Variants in ABI3BP observed in about 807,000 individuals in gnomAD.
The protein encoded by ABI3BP is ABI family member 3 binding protein, also known as target of Nesh-SH3.
In ABI3BP, 216 loss-of-function variants were observed where a neutral mutation model predicts 268.6. That is an observed-to-expected ratio of 0.80 (90% CI 0.72 to 0.90). ABI3BP has a LOEUF of 0.90. Ranked by LOEUF, ABI3BP falls within the 40% of genes least tolerant of loss-of-function variation. The pLI, the probability that ABI3BP is intolerant of heterozygous loss-of-function variation, is 0.00. For missense variants in ABI3BP, 2,090 were observed against 2,182.4 expected (o/e 0.96, Z 0.84); for synonymous variants, 730 against 730.0 (o/e 1.00, Z 0.00).
intron 4 of ABI3BP, among the ~76,000 whole-genome samples, chr3:100,890,499 C>T (rs1325730311): frequency 6.6e-6 from 1 of 152,126 alleles, no homozygotes; most frequent in East Asian, 1.9e-4. Context: ...CCAACCTTTC[C>T]CTTGATTCCT....
intron 14 of ABI3BP, among the ~76,000 whole-genome samples, chr3:100,855,505 A>G (rs1560873969): frequency 6.6e-6 from 1 of 152,240 alleles, no homozygotes; most frequent in Non-Finnish European, 1.5e-5. Context: ...TACTTAATCC[A>G]GAAACTGGTA....
Position 100,864,027 on chromosome 3 carries a change from CTG to C in ABI3BP, c.1111_1112del (p.Gln371ValfsTer2), listed in dbSNP as rs1165332127. The C allele has an allele frequency of 1.3e-6, 2 of 1,535,738 alleles. No homozygotes were observed. The highest frequency in any genetic ancestry group is 1.7e-6 in the Non-Finnish European group (2 of 1,146,548). On this transcript the variant is annotated frameshift_variant, in exon 12 of 68. Coordinates refer to ENST00000471714, the MANE Select transcript of ABI3BP (RefSeq NM_001375547.2). LOFTEE classifies it high-confidence loss of function. ...PETLQTILIP[Q>X]FELPLSTLAP... ...CTAGAGTGCTCAGTGGCAATTCAAA[CTG>C]AGGTATTAGAATAGTTTGCAATGTT...
chr3:100,796,324 C>T (rs2097345174), intron 52 of ABI3BP, 85 bp downstream of exon 52: 1 of 1,108,356 alleles, frequency 9.0e-7, no homozygotes, highest in South Asian at 1.9e-5. Flanking sequence ...TTCCATATCA[C>T]AACCATTAAA....
intron 2 of ABI3BP, among the ~76,000 whole-genome samples, chr3:100,917,753 T>A (rs544847911): frequency 6.6e-6 from 1 of 152,318 alleles, no homozygotes; most frequent in African/African-American, 2.4e-5. Context: ...TGTATTGTAC[T>A]TCCAAGAAAA....
At chr3:100,793,239 T>C (rs1275078373) in intron 54 of ABI3BP, among the ~76,000 whole-genome samples, 1 of 151,960 alleles carries the variant, frequency 6.6e-6, no homozygotes, top group Admixed American at 6.6e-5. Context: ...AGAGCGTATG[T>C]TTGACATACA....
In ABI3BP at chr3:100,829,354, C is replaced by T. The variant is rs564074745; in HGVS notation, c.2542+227G>A. Among the ~76,000 whole-genome samples, 8 of 152,218 alleles carry T rather than the reference C, an allele frequency of 5.3e-5. No individual in the cohort carries two copies. The South Asian group carries it at 1.5e-3, about 28-fold the overall frequency. ...TCCTTCTCTGGCTGTTTCACTTTAT[C>T]ATATATTCAACATTGAAAGGATGAA... is the stretch of plus-strand genomic sequence containing the variant. On this transcript the variant is annotated intron_variant, in intron 33 of 67. Transcript: ENST00000471714.
rs1304423633 is a variant in ABI3BP, at chr3:100,830,106, CATACATATATATATATATATATAT to C, written c.2458+448_2459-443del. 2.8e-3 allele frequency among the ~76,000 whole-genome samples: 217 copies of C among 77,040 alleles called. 9 individuals carry two copies. Among genetic ancestry groups the C allele is most frequent in the African/African-American group, 0.013 (186 of 14,494 alleles). The allele number at this position is 77,040 out of a possible 152,430, so 50.5% of individuals were successfully genotyped here. A position where few individuals can be genotyped will look rare whatever the true frequency, so the allele number is the denominator to read the frequency against. ...CTATATACATATACATACATACATA[CATACATATATATATATATATATAT>C]ATATATATATATATATATATATATA... On this transcript the variant is annotated intron_variant, in intron 32 of 67. Coordinates refer to ENST00000471714, the MANE Select transcript of ABI3BP (RefSeq NM_001375547.2).
Position 100,795,819 on chromosome 3 carries a change from G to A in ABI3BP, c.3850C>T (p.Pro1284Ser). The part of the protein sequence containing the change: ...LQPVTFRFEP[P>S]KTTIAPLETR... ...AAACCATTACCTATTGTTGTCTTTG[G>A]TGGCTCAAATCTAAAGGTAACAGGC... is the stretch of plus-strand genomic sequence containing the variant. Residue 1284 changes from proline to serine, a missense_variant, in exon 53 of 68, where the codon CCA becomes TCA. Pro to Ser is a moderately conservative substitution (Grantham distance 74). Transcript: ENST00000471714. 2.3e-6 allele frequency: 3 copies of A among 1,287,822 alleles called. No homozygotes were observed. Among genetic ancestry groups the A allele is most frequent in the Non-Finnish European group, 3.0e-6 (3 of 988,238 alleles). The allele number at this position is 1,287,822 out of a possible 1,614,324, so 79.8% of individuals were successfully genotyped here. A position where few individuals can be genotyped will look rare whatever the true frequency, so the allele number is the denominator to read the frequency against.
intron 1 of ABI3BP, among the ~76,000 whole-genome samples, chr3:100,969,583 G>T (rs2082680065): frequency 6.6e-6 from 1 of 152,090 alleles, no homozygotes; most frequent in Non-Finnish European, 1.5e-5. Flanking sequence ...TTCCAAAAGT[G>T]TGCATTTGAA....
At position 100,816,375 on chromosome 3, in the gene ABI3BP, CAT is replaced by C. The variant is rs1012786179; in HGVS notation, c.3229+311_3229+312del. 2.2e-4 allele frequency: 107 copies of C among 494,492 alleles called. No homozygotes were observed. The East Asian group carries it at 2.9e-3, about 14-fold the overall frequency. The allele number at this position is 494,492 out of a possible 1,614,324, so 30.6% of individuals were successfully genotyped here. On this transcript the variant is annotated intron_variant, in intron 43 of 67. Transcript: ENST00000471714. ...TTATGTAATCATAACAAATGGATCA[CAT>C]GTTTCAATGCAGATATAGCAATAAA...
intron 36 of ABI3BP, 91 bp from the exon 37 acceptor site, chr3:100,823,605 T>C: frequency 1.1e-5 from 11 of 957,386 alleles, no homozygotes; most frequent in Non-Finnish European, 1.7e-5. Flanking sequence ...GGTATGTCAA[T>C]TCTTCCAGAG....
At chr3:100,837,301 G>C (rs1035976581) in intron 26 of ABI3BP, 130 bp from the exon 27 acceptor site, 9 of 602,012 alleles carry the variant, frequency 1.5e-5, no homozygotes, top group Non-Finnish European at 2.4e-5. Context: ...TTGCCTTCTT[G>C]ATAGGCTTAT....
intron 1 of ABI3BP, among the ~76,000 whole-genome samples, chr3:100,977,327 C>A (rs879796066): frequency 3.3e-5 from 5 of 152,196 alleles, no homozygotes; most frequent in Non-Finnish European, 7.3e-5. Context: ...AATAAGCATT[C>A]ATCATCCATA....
intron 53 of ABI3BP, 119 bp from the exon 54 acceptor site, chr3:100,795,122 T>C: frequency 3.2e-6 from 2 of 625,078 alleles, no homozygotes; most frequent in Non-Finnish European, 2.6e-6. Flanking sequence ...GAAAGTTAAG[T>C]GTGCACACGA....
chr3:100,813,079 C>T (rs952536300), intron 45 of ABI3BP, among the ~76,000 whole-genome samples: 1 of 152,076 alleles, frequency 6.6e-6, no homozygotes, highest in African/African-American at 2.4e-5. Flanking sequence ...TGGGGTTTTG[C>T]CATGTTGCCA....
chr3:100,860,160 GT>G (rs2098982599), intron 14 of ABI3BP, among the ~76,000 whole-genome samples: 1 of 152,238 alleles, frequency 6.6e-6, no homozygotes, highest in African/African-American at 2.4e-5. Flanking sequence ...TAGATCTAGA[GT>G]GGAGCCCAAG....
chr3:100,985,892 A>G (rs1003818889), intron 1 of ABI3BP, among the ~76,000 whole-genome samples: 1 of 152,232 alleles, frequency 6.6e-6, no homozygotes, highest in African/African-American at 2.4e-5. Flanking sequence ...ATCTGGAGTT[A>G]GATTTCCCAT....
chr3:100,851,991 T>C, intron 14 of ABI3BP, 51 bp from the exon 15 acceptor site: 1 of 1,439,736 alleles, frequency 6.9e-7, no homozygotes, highest in Non-Finnish European at 9.4e-7. Context: ...TTTGGTTAAA[T>C]TTGATTAATT....
intron 10 of ABI3BP, among the ~76,000 whole-genome samples, chr3:100,866,557 G>A (rs2099052554): frequency 6.6e-6 from 1 of 152,124 alleles, no homozygotes; most frequent in Non-Finnish European, 1.5e-5. Context: ...ATGAAAAATG[G>A]TCTAATGTCA....
Sources: gnomAD v4.1 joint callset for allele counts (sites outside exome capture counted in the v4.1 genomes callset) on GRCh38, gnomAD v4.1.1 for gene constraint, MANE v1.5 for transcripts, NCBI Gene and HGNC (gene_info 2026-07-23, HGNC 2026-07-21) for gene names.